The following ZXDC variants were observed in gnomAD, a reference collection of about 807,000 sequenced individuals.
ZXDC encodes ZXD family zinc finger C, also known as zinc finger protein ZXDC.
Under a neutral mutation model 63.6 loss-of-function variants are expected in ZXDC, and 58 were observed. That is an observed-to-expected ratio of 0.91 (90% CI 0.74 to 1.13). ZXDC has a LOEUF of 1.13. Ranked by LOEUF, ZXDC falls within the 50% of genes most tolerant of loss-of-function variation. The pLI is 0.00. For missense variants in ZXDC, 1,133 were observed against 1,148.9 expected (o/e 0.99, Z 0.20); for synonymous variants, 561 against 496.1 (o/e 1.13, Z -1.74).
chr3:126,472,566 T>A (rs1935021752), intron 1 of ZXDC, among the ~76,000 whole-genome samples: 1 of 152,118 alleles, frequency 6.6e-6, no homozygotes, highest in South Asian at 2.1e-4. Context: ...AAAGAGAAAG[T>A]CCTCCGTTCA....
At chr3:126,443,880 TATG>T (rs1428452704) in intron 7 of ZXDC, among the ~76,000 whole-genome samples, 3 of 152,226 alleles carry the variant, frequency 2.0e-5, no homozygotes, top group African/African-American at 7.2e-5. Context: ...GATAGATAAT[TATG>T]ATATTAAAAG....
At chr3:126,454,359 T>C (rs1311365300) in intron 7 of ZXDC, 2 of 985,322 alleles carry the variant, frequency 2.0e-6, no homozygotes, top group South Asian at 4.7e-5. Context: ...ATAGGTCTTA[T>C]AGTTCTGTTG....
chr3:126,475,530 G>C lies in ZXDC; in HGVS notation c.336C>G (p.Pro112=). 7.8e-7 allele frequency: 1 copy of C among 1,286,336 alleles called. No individual in the cohort carries two copies. The highest frequency in any genetic ancestry group is 2.3e-5 in the South Asian group (1 of 42,604). The allele number at this position is 1,286,336 out of a possible 1,614,324, so 79.7% of individuals were successfully genotyped here. Residue 112 remains proline (P), a synonymous_variant, in exon 1 of 10, where the codon CCC becomes CCG. Coordinates refer to ENST00000389709, the MANE Select transcript of ZXDC (RefSeq NM_025112.5). ...GGCCGGGGGGGGCGGCCGGGCCGCT[G>C]GGGCCCTGCTCGGGGCGGCTCGCCA... is the stretch of plus-strand genomic sequence containing the variant. ...VNLASRPEQG[P]SGPAAPPGPG...
chr3:126,456,007 A>C (rs530446618), intron 7 of ZXDC, among the ~76,000 whole-genome samples: 1 of 152,234 alleles, frequency 6.6e-6, no homozygotes, highest in South Asian at 2.1e-4. Flanking sequence ...CTCAAAAAAA[A>C]ACAAAAAAAA....
chr3:126,451,350 T>C (rs1576669449), intron 7 of ZXDC: 11 of 985,350 alleles, frequency 1.1e-5, no homozygotes, highest in Non-Finnish European at 1.3e-5. Context: ...ATGCACAGAG[T>C]GTACAGTTCT....
intron 7 of ZXDC, chr3:126,458,816 T>C: frequency 3.0e-6 from 3 of 985,472 alleles, no homozygotes; most frequent in Non-Finnish European, 3.6e-6. Flanking sequence ...TCTGGTACTT[T>C]GTGAACTGTT....
At chr3:126,440,203 G>T (rs1933623452) in intron 8 of ZXDC, 2 of 998,236 alleles carry the variant, frequency 2.0e-6, no homozygotes, top group Non-Finnish European at 2.4e-6. Flanking sequence ...AGGGGAGGCT[G>T]CCAGGCCCCT....
At chr3:126,441,148 GGCT>G in intron 8 of ZXDC, 1 of 985,588 alleles carries the variant, frequency 1.0e-6, no homozygotes, top group Non-Finnish European at 1.2e-6. Flanking sequence ...GTGTGCTCAG[GGCT>G]GCTGAAGCAG....
chr3:126,454,321 T>C, intron 7 of ZXDC: 2 of 984,832 alleles, frequency 2.0e-6, no homozygotes, highest in Non-Finnish European at 2.4e-6. Context: ...TATTATACGT[T>C]TTCAAATAAA....
At chr3:126,471,229 C>T (rs559702286) in intron 3 of ZXDC, among the ~76,000 whole-genome samples, 19 of 152,238 alleles carry the variant, frequency 1.2e-4, no homozygotes, top group Non-Finnish European at 2.2e-4. Flanking sequence ...AATGACTAAG[C>T]TGACCCCAGA....
At chr3:126,449,661 A>T (rs1934018498) in intron 7 of ZXDC, among the ~76,000 whole-genome samples, 1 of 152,172 alleles carries the variant, frequency 6.6e-6, no homozygotes, top group African/African-American at 2.4e-5. Flanking sequence ...TCCTCCTCCC[A>T]AAGGCTGGAG....
chr3:126,470,225 G>A (rs548000516), intron 4 of ZXDC, among the ~76,000 whole-genome samples: 5 of 152,302 alleles, frequency 3.3e-5, no homozygotes, highest in Admixed American at 3.3e-4. Flanking sequence ...CCAGCACTTT[G>A]GGAGGCCAAA....
chr3:126,449,014 A>G (rs747737785), intron 7 of ZXDC, among the ~76,000 whole-genome samples: 3 of 152,200 alleles, frequency 2.0e-5, no homozygotes, highest in Non-Finnish European at 2.9e-5. Flanking sequence ...GGCACGGCAC[A>G]TAGCACAGGG....
At position 126,475,885 on chromosome 3, in the gene ZXDC, T is replaced by C; in HGVS notation, c.-20A>G. 1 of 1,072,792 alleles carries C rather than the reference T, an allele frequency of 9.3e-7. No homozygotes were observed. Among genetic ancestry groups the C allele is most frequent in the Non-Finnish European group, 1.1e-6 (1 of 887,206 alleles). 66.5% of individuals were successfully genotyped at this position (1,072,792 alleles called of 1,614,324 possible). On this transcript the variant is annotated 5_prime_UTR_variant, in exon 1 of 10. Coordinates refer to ENST00000389709, the MANE Select transcript of ZXDC (RefSeq NM_025112.5). ...GTCCATCTTGGTCCCAGCGACGGCG[T>C]CGGAGCAGCTTCGGACGCAGAGCTG...
At chr3:126,439,910 A>C in intron 8 of ZXDC, 183 bp from the exon 9 acceptor site, 1 of 1,413,026 alleles carries the variant, frequency 7.1e-7, no homozygotes, top group Non-Finnish European at 9.2e-7. Context: ...ACCTGTTCCC[A>C]CCTGGTTCTC....
Position 126,472,140 on chromosome 3 carries a change from C to CAA in ZXDC, c.1060+12_1060+13insTT, listed in dbSNP as rs1475343561. On this transcript the variant is annotated intron_variant, in intron 2 of 9. Coordinates refer to ENST00000389709, the MANE Select transcript of ZXDC (RefSeq NM_025112.5). ...TCTTGGGTCCAAATGCTGTGCGTTC[C>CAA]CTAGCTCATTACCTGTATGGCTCCG... The CAA allele has an allele frequency of 6.2e-7, 1 of 1,609,304 alleles. No individual in the cohort carries two copies. The highest frequency in any genetic ancestry group is 8.5e-7 in the Non-Finnish European group (1 of 1,176,036).
intron 6 of ZXDC, chr3:126,460,224 G>A (rs1274987107): frequency 2.5e-5 from 21 of 850,174 alleles, no homozygotes; most frequent in Non-Finnish European, 2.4e-5. Context: ...AAATAATAAT[G>A]ATGGTACTGA....
At chr3:126,470,706 G>A (rs17691268) in intron 4 of ZXDC, among the ~76,000 whole-genome samples, 189 bp downstream of exon 4, 5,002 of 152,284 alleles carry the variant, frequency 0.033, 91 homozygotes, top group South Asian at 0.052. Flanking sequence ...GTCAAACTGC[G>A]TCTGATTCTC....
In ZXDC at chr3:126,451,482, T is replaced by A. The variant is rs111858888; in HGVS notation, c.2212+8171A>T. ...AATTCAAAAAATGTAATTGTAAGACTGAATATTATGCATATTTTTTGGCTC... is the reference window on the plus strand; with the variant it reads ...AATTCAAAAAATGTAATTGTAAGACAGAATATTATGCATATTTTTTGGCTC... On this transcript the variant is annotated intron_variant, in intron 7 of 9. Coordinates refer to ENST00000389709, the MANE Select transcript of ZXDC (RefSeq NM_025112.5). 770 of 985,444 alleles carry A rather than the reference T, an allele frequency of 7.8e-4. 4 individuals are homozygous for A. The African/African-American group carries it at 0.013, about 16-fold the overall frequency. 61.0% of individuals were successfully genotyped at this position (985,444 alleles called of 1,614,324 possible). A position where few individuals can be genotyped will look rare whatever the true frequency, so the allele number is the denominator to read the frequency against.
Sources: gnomAD v4.1 joint callset for allele counts (sites outside exome capture counted in the v4.1 genomes callset) on GRCh38, gnomAD v4.1.1 for gene constraint, MANE v1.5 for transcripts, NCBI Gene and HGNC (gene_info 2026-07-23, HGNC 2026-07-21) for gene names.